KCTD1: variants seen among roughly 807,000 people sequenced by gnomAD.
KCTD1 encodes BTB/POZ domain-containing protein KCTD1.
Under a neutral mutation model 66.0 loss-of-function variants are expected in KCTD1, and 24 were observed. The ratio of observed to expected loss-of-function variants is 0.36; its 90% CI spans 0.26 to 0.51. The LOEUF (loss-of-function observed/expected upper bound fraction) is 0.51. Among genes scored for constraint, KCTD1 ranks in the 20% least tolerant of loss-of-function variants. The pLI, the probability that KCTD1 is intolerant of heterozygous loss-of-function variation, is 0.95. For missense variants in KCTD1, 943 were observed against 1,205.2 expected, an observed-to-expected ratio of 0.78 and a Z score of 3.22; for synonymous variants, 511 against 517.2, an observed-to-expected ratio of 0.99 and a Z score of 0.16.
chr18:26,548,958 T>C, upstream of KCTD1: 1 of 985,914 alleles, frequency 1.0e-6, no homozygotes, highest in Non-Finnish European at 1.2e-6. Flanking sequence ...CGGGACGGTC[T>C]CGTTTCTCTA....
At chr18:26,595,579 G>A (rs1017433988) in intron 1 of KCTD1, among the ~76,000 whole-genome samples, 6 of 152,204 alleles carry the variant, frequency 3.9e-5, no homozygotes, top group Non-Finnish European at 7.3e-5. Context: ...TTTGGGATAA[G>A]AAGCCACACA....
chr18:26,492,882 A>G (rs1256620349), intron 2 of KCTD1, among the ~76,000 whole-genome samples: 2 of 152,158 alleles, frequency 1.3e-5, no homozygotes, highest in African/African-American at 4.8e-5. Context: ...GTCCCTACCT[A>G]TAAGGTTATA....
chr18:26,650,374 T>C (rs1259375181), intron 1 of KCTD1, among the ~76,000 whole-genome samples: 1 of 152,214 alleles, frequency 6.6e-6, no homozygotes, highest in East Asian at 1.9e-4. Flanking sequence ...AGGCACTGTA[T>C]TAAGGAACTG....
chr18:26,464,909 C>A (rs1396785972), intron 3 of KCTD1, among the ~76,000 whole-genome samples: 1 of 152,114 alleles, frequency 6.6e-6, no homozygotes, highest in Non-Finnish European at 1.5e-5. Flanking sequence ...AAACAGCAAC[C>A]AAGTAGTGGT....
chr18:26,563,946 C>T (rs947178452), intron 1 of KCTD1, among the ~76,000 whole-genome samples: 5 of 152,100 alleles, frequency 3.3e-5, no homozygotes, highest in African/African-American at 1.2e-4. Flanking sequence ...GGTTCCCCAG[C>T]ACTTTGGACA....
intron 1 of KCTD1, among the ~76,000 whole-genome samples, chr18:26,591,154 C>A (rs1015469483): frequency 3.9e-5 from 6 of 151,916 alleles, no homozygotes; most frequent in African/African-American, 9.7e-5. Context: ...GCCTCCCATG[C>A]AGCTGAAACT....
intron 1 of KCTD1, among the ~76,000 whole-genome samples, chr18:26,620,825 T>C (rs963336764): frequency 7.9e-6 from 1 of 126,910 alleles, no homozygotes; most frequent in African/African-American, 2.9e-5. Flanking sequence ...CCTGAAACAC[T>C]TGAAAAGCTT....
At chr18:26,598,214 C>A (rs1986811793) in intron 1 of KCTD1, among the ~76,000 whole-genome samples, 1 of 152,128 alleles carries the variant, frequency 6.6e-6, no homozygotes, top group African/African-American at 2.4e-5. Flanking sequence ...GAATATATGA[C>A]CTTTGTGTTT....
intron 1 of KCTD1, among the ~76,000 whole-genome samples, chr18:26,656,916 G>A (rs1988162396): frequency 6.7e-6 from 1 of 150,068 alleles, no homozygotes; most frequent in South Asian, 2.1e-4. Flanking sequence ...CGGGGAGGGC[G>A]GGGGAGAGCC....
intron 1 of KCTD1, among the ~76,000 whole-genome samples, chr18:26,648,741 T>G (rs1396276421): frequency 2.6e-5 from 4 of 152,164 alleles, no homozygotes; most frequent in Non-Finnish European, 5.9e-5. Context: ...ACCTGGAGAC[T>G]AAGAGCAAAG....
At chr18:26,625,322 G>A (rs538311074) in intron 1 of KCTD1, among the ~76,000 whole-genome samples, 3 of 152,224 alleles carry the variant, frequency 2.0e-5, no homozygotes, top group South Asian at 2.1e-4. Context: ...GTGTCCCCAC[G>A]CCATGTCTCA....
At chr18:26,616,613 G>C (rs531146504) in intron 1 of KCTD1, among the ~76,000 whole-genome samples, 4 of 151,932 alleles carry the variant, frequency 2.6e-5, no homozygotes, top group Non-Finnish European at 5.9e-5. Context: ...TCCAACTCCT[G>C]GGCTCAAGTG....
At chr18:26,469,665 T>C (rs1277446781) in intron 3 of KCTD1, among the ~76,000 whole-genome samples, 2 of 152,228 alleles carry the variant, frequency 1.3e-5, no homozygotes, top group African/African-American at 4.8e-5. Flanking sequence ...TGATATTATA[T>C]ACACGTTTTG....
At chr18:26,467,114 G>A (rs1980775153) in intron 3 of KCTD1, among the ~76,000 whole-genome samples, 1 of 151,554 alleles carries the variant, frequency 6.6e-6, no homozygotes, top group Non-Finnish European at 1.5e-5. Flanking sequence ...AGTCTGAGTG[G>A]TGGGAACATA....
intron 1 of KCTD1, among the ~76,000 whole-genome samples, chr18:26,576,122 C>G (rs1437594945): frequency 6.6e-6 from 1 of 152,172 alleles, no homozygotes; most frequent in Non-Finnish European, 1.5e-5. Context: ...GAGTAGATGT[C>G]CCTTTATAGC....
chr18:26,564,019 C>CTTTT (rs35602601), intron 1 of KCTD1, among the ~76,000 whole-genome samples: 24 of 143,160 alleles, frequency 1.7e-4, no homozygotes, highest in African/African-American at 6.2e-4. Flanking sequence ...AAGAGAGGGG[C>CTTTT]TTTTTTTTTT....
chr18:26,588,387 GT>G (rs1263386254), intron 1 of KCTD1, among the ~76,000 whole-genome samples: 5 of 152,082 alleles, frequency 3.3e-5, no homozygotes, highest in Non-Finnish European at 5.9e-5. Flanking sequence ...TCCCTGGATA[GT>G]TTTTTAGGAA....
At position 26,508,882 on chromosome 18, in the gene KCTD1, T is replaced by G. The variant is rs190326582; in HGVS notation, c.1810-7632A>C. Among the ~76,000 whole-genome samples, 147 of 152,108 alleles carry G rather than the reference T, an allele frequency of 9.7e-4. 1 individual carries two copies. The highest frequency in any genetic ancestry group is 3.4e-3 in the African/African-American group (141 of 41,476). Reference sequence around the variant, plus strand: ...TGGAAATTTGCGGTTGCCTTGGGAGTGTTGTTTCAGGAATGACATAATCAT... The same window carrying G: ...TGGAAATTTGCGGTTGCCTTGGGAGGGTTGTTTCAGGAATGACATAATCAT... On this transcript the variant is annotated intron_variant, in intron 1 of 4. Coordinates refer to ENST00000580059, the MANE Select transcript of KCTD1 (RefSeq NM_001142730.3).
chr18:26,570,327 C>T (rs188986033), intron 1 of KCTD1, among the ~76,000 whole-genome samples: 6 of 151,674 alleles, frequency 4.0e-5, no homozygotes, highest in Middle Eastern at 3.4e-3. Flanking sequence ...CTATTTTGTC[C>T]GAGGATGTTC....
Sources: allele counts gnomAD v4.1 joint callset (sites outside exome capture counted in the v4.1 genomes callset), GRCh38; gene constraint gnomAD v4.1.1; transcripts MANE v1.5; gene names NCBI Gene and HGNC (gene_info 2026-07-23, HGNC 2026-07-21).